Variants in CD163L1 observed in about 807,000 individuals in gnomAD.
The protein encoded by CD163L1 is CD163 molecule like 1, also known as scavenger receptor cysteine-rich type 1 protein M160.
A neutral mutation model predicts 165.4 loss-of-function variants in CD163L1; 124 were observed. That is an observed-to-expected ratio of 0.75 (90% confidence interval 0.65 to 0.87). The LOEUF is 0.87. Among genes scored for constraint, CD163L1 ranks in the 40% least tolerant of loss-of-function variants. The pLI is 0.00. For synonymous variants in CD163L1, 585 were observed against 662.2 expected, an observed-to-expected ratio of 0.88 and a Z score of 1.79; for missense variants, 1,525 against 1,799.9, an observed-to-expected ratio of 0.85 and a Z score of 2.76.
intron 19 of CD163L1, among the ~76,000 whole-genome samples, chr12:7,356,844 G>A (rs750117210): frequency 6.6e-6 from 1 of 152,182 alleles, no homozygotes; most frequent in Admixed American, 6.6e-5. Flanking sequence ...TATATAACGA[G>A]TGCTTGTTTT....
rs766786093 is a variant in CD163L1 at position 7,375,771 on chromosome 12, G to A, written c.2615C>T (p.Ala872Val). The change falls in exon 10 of 20, where the codon GCA becomes GTA. Residue 872 changes from alanine (A) to valine (V), a missense_variant. Transcript: ENST00000313599. ...FQCEGSETHLALCPIVQHPED... is the reference protein window; with the variant it reads ...FQCEGSETHLVLCPIVQHPED... Reference sequence around the variant, plus strand: ...CGGATGTTGAACAATGGGGCATAATGCAAGGTGAGTTTCACTCCCTTCACA... The same window carrying A: ...CGGATGTTGAACAATGGGGCATAATACAAGGTGAGTTTCACTCCCTTCACA... The A allele has an allele frequency of 1.2e-6, 2 of 1,614,082 alleles. No homozygotes were observed. Among genetic ancestry groups the A allele is most frequent in the Non-Finnish European group, 1.7e-6 (2 of 1,180,042 alleles).
At chr12:7,403,318 G>T (rs946283294) in intron 6 of CD163L1, among the ~76,000 whole-genome samples, 1 of 152,200 alleles carries the variant, frequency 6.6e-6, no homozygotes, top group Non-Finnish European at 1.5e-5. Flanking sequence ...TACTCATGCA[G>T]TGGTAGCAGC....
chr12:7,357,271 C>T (rs1946796919), intron 19 of CD163L1, 109 bp downstream of exon 19: 1 of 639,356 alleles, frequency 1.6e-6, no homozygotes, highest in Admixed American at 2.7e-5. Context: ...GGGATATGAA[C>T]CAGTGACATA....
chr12:7,374,364 A>G lies in CD163L1; in HGVS notation c.3409+78T>C. ...ATTCCTAGGCCATACACTTTTCACT[A>G]CACTTTACAATTGTGTTGTGTGTGT... On this transcript the variant is annotated intron_variant, in intron 13 of 19. Coordinates refer to ENST00000313599, the MANE Select transcript of CD163L1 (RefSeq NM_174941.6). The surrounding 1 kb of genome is among the most constrained non-coding windows in gnomAD (Gnocchi z 5.4). 2.1e-6 allele frequency: 3 copies of G among 1,449,374 alleles called. No individual in the cohort carries two copies. The highest frequency in any genetic ancestry group is 2.8e-6 in the Non-Finnish European group (3 of 1,074,874). 89.8% of individuals were successfully genotyped at this position (1,449,374 alleles called of 1,614,324 possible).
chr12:7,398,610 T>C lies in CD163L1; in HGVS notation c.1409-26A>G, dbSNP rs1555199341. The C allele has an allele frequency of 3.3e-6, 5 of 1,521,724 alleles. No homozygotes were observed. In the East Asian group the frequency reaches 6.8e-5, roughly 21 times the overall value. The allele number at this position is 1,521,724 out of a possible 1,614,324, so 94.3% of individuals were successfully genotyped here. A position where few individuals can be genotyped will look rare whatever the true frequency, so the allele number is the denominator to read the frequency against. On this transcript the variant is annotated intron_variant, in intron 6 of 19. Transcript: ENST00000313599. This position sits in a 1 kb window ranked among gnomAD's most constrained non-coding sequence, Gnocchi z 4.5. ...CTGCAAGCAAGACAAAACCACATAT[T>C]TGAGATCAAATGAGAGAGTCTTTTC...
the CD163L1 span, among the ~76,000 whole-genome samples, chr12:7,336,038 G>A: frequency 6.9e-6 from 1 of 144,720 alleles, no homozygotes. Flanking sequence ...GGAGAAATAG[G>A]AACACTTTTA....
At chr12:7,333,051 A>G in the CD163L1 span, among the ~76,000 whole-genome samples, 18 of 151,866 alleles carry the variant, frequency 1.2e-4, no homozygotes, top group African/African-American at 4.1e-4. Flanking sequence ...CTCACCTGAA[A>G]CCCATCTCAC....
chr12:7,433,359 T>C lies in CD163L1; in HGVS notation c.445+15A>G, dbSNP rs1378165269. 6 of 1,563,658 alleles carry C rather than the reference T, an allele frequency of 3.8e-6. No individual in the cohort carries two copies. The highest frequency in any genetic ancestry group is 1.7e-4 in the Middle Eastern group (1 of 5,812). Reference sequence around the variant, plus strand: ...TAGGTCTTACCTTGCCTTCCTACTCTAGTTAGACTCTTACCATAACAGTTC... The same window carrying C: ...TAGGTCTTACCTTGCCTTCCTACTCCAGTTAGACTCTTACCATAACAGTTC... On this transcript the variant is annotated intron_variant, in intron 3 of 19. Transcript: ENST00000313599.
chr12:7,401,647 A>T (rs954836793), intron 6 of CD163L1, among the ~76,000 whole-genome samples: 3 of 152,128 alleles, frequency 2.0e-5, no homozygotes, highest in Non-Finnish European at 4.4e-5. Context: ...TATAGTAAGT[A>T]GCCTTTAACA....
intron 8 of CD163L1, among the ~76,000 whole-genome samples, chr12:7,386,160 C>A (rs917726527): frequency 1.3e-5 from 2 of 151,668 alleles, no homozygotes; most frequent in Non-Finnish European, 3.0e-5. Context: ...CACAGAAATA[C>A]AAAAGATTAT....
intron 2 of CD163L1, chr12:7,439,598 T>C (rs61748920): frequency 0.064 from 102,363 of 1,592,190 alleles, 6,214 homozygotes; most frequent in African/African-American, 0.28. Context: ...GCCTCAAATA[T>C]GTCGTTATTT....
At chr12:7,340,819 C>T in the CD163L1 span, among the ~76,000 whole-genome samples, 2 of 152,154 alleles carry the variant, frequency 1.3e-5, no homozygotes, top group Non-Finnish European at 2.9e-5. Flanking sequence ...GAATCTGAAT[C>T]GGCTCATATC....
the CD163L1 span, chr12:7,328,331 C>A: frequency 1.3e-6 from 2 of 1,595,434 alleles, no homozygotes; most frequent in South Asian, 1.1e-5. Context: ...CTGGGAAAAT[C>A]AAACGCAACG....
At position 7,439,588 on chromosome 12, in the gene CD163L1, G is replaced by A. The variant is rs1948786190; in HGVS notation, c.124+1566C>T. On this transcript the variant is annotated intron_variant, in intron 2 of 19. Transcript: ENST00000313599. ...ACTTTGCTGACCGCTATCAGAGTTCGCCTCAAATATGTCGTTATTTAAGGA... is the reference window on the plus strand; with the variant it reads ...ACTTTGCTGACCGCTATCAGAGTTCACCTCAAATATGTCGTTATTTAAGGA... 5 of 1,585,696 alleles carry A rather than the reference G, an allele frequency of 3.2e-6. No individual in the cohort carries two copies. In the East Asian group the frequency reaches 8.9e-5, roughly 28 times the overall value.
the CD163L1 span, among the ~76,000 whole-genome samples, chr12:7,319,086 T>C: frequency 6.6e-6 from 1 of 152,192 alleles, no homozygotes; most frequent in Non-Finnish European, 1.5e-5. Context: ...TAATGTAGAA[T>C]CAGTGGAAGC....
chr12:7,333,421 A>G, the CD163L1 span, among the ~76,000 whole-genome samples: 5 of 152,214 alleles, frequency 3.3e-5, no homozygotes. Context: ...AGGCAGAAAT[A>G]AAGATGTTCT....
chr12:7,330,393 T>G, the CD163L1 span, among the ~76,000 whole-genome samples: 1 of 152,222 alleles, frequency 6.6e-6, no homozygotes, highest in Non-Finnish European at 1.5e-5. Context: ...CTAGACAGTT[T>G]ACTTCACAGA....
At chr12:7,414,810 T>C (rs996326755) in intron 4 of CD163L1, among the ~76,000 whole-genome samples, 1 of 152,076 alleles carries the variant, frequency 6.6e-6, no homozygotes, top group Non-Finnish European at 1.5e-5. Context: ...AAATAGTGAA[T>C]GTACTGGAAC....
At chr12:7,356,901 C>T (rs1802299503) in intron 19 of CD163L1, among the ~76,000 whole-genome samples, 1 of 152,082 alleles carries the variant, frequency 6.6e-6, no homozygotes, top group South Asian at 2.1e-4. Flanking sequence ...TTAATGTTTT[C>T]TCATCAGACA....
Sources: allele counts gnomAD v4.1 joint callset (sites outside exome capture counted in the v4.1 genomes callset), GRCh38; gene constraint gnomAD v4.1.1; non-coding constraint Gnocchi (gnomAD v3.1); transcripts MANE v1.5; gene names NCBI Gene and HGNC (gene_info 2026-07-23, HGNC 2026-07-21).